Variants in CDH23 observed in about 807,000 individuals in gnomAD.
CDH23 encodes the protein cadherin related 23.
In CDH23, 189 loss-of-function variants were observed where a neutral mutation model predicts 317.1. That is an observed-to-expected ratio of 0.60 (90% CI 0.53 to 0.67). CDH23 has a LOEUF of 0.67. Among genes scored for constraint, CDH23 ranks in the 30% least tolerant of loss-of-function variants. The probability of loss-of-function intolerance (pLI) is 0.00; values close to 1 mark genes in which losing one functional copy is unlikely to be tolerated. For missense variants in CDH23, 4,401 were observed against 4,592.4 expected (o/e 0.96, Z 1.20); for synonymous variants, 1,839 against 1,876.8 (o/e 0.98, Z 0.52).
intron 14 of CDH23, among the ~76,000 whole-genome samples, chr10:71,661,407 T>C (rs889251125): frequency 2.6e-5 from 4 of 152,178 alleles, no homozygotes; most frequent in Non-Finnish European, 5.9e-5. Context: ...TTTGACTCAC[T>C]GAATGACCCT....
At chr10:71,638,096 G>A (rs1862362432) in intron 11 of CDH23, among the ~76,000 whole-genome samples, 1 of 152,100 alleles carries the variant, frequency 6.6e-6, no homozygotes, top group Admixed American at 6.5e-5. Context: ...CAAAACACGG[G>A]GGAGCAGAGA....
intron 8 of CDH23, among the ~76,000 whole-genome samples, chr10:71,577,404 C>T (rs1858288228): frequency 1.3e-5 from 2 of 152,162 alleles, no homozygotes; most frequent in African/African-American, 4.8e-5. Flanking sequence ...CCCCGAGATA[C>T]CTGCTTTCAT....
At position 71,741,914 on chromosome 10, in the gene CDH23, C is replaced by T. The variant is rs1839746243; in HGVS notation, c.4838C>T (p.Thr1613Ile). 1 of 1,597,130 alleles carries T rather than the reference C, an allele frequency of 6.3e-7. No homozygotes were observed. The highest frequency in any genetic ancestry group is 1.1e-5 in the South Asian group (1 of 88,632). Residue 1613 changes from threonine to isoleucine, a missense_variant, in exon 38 of 70, where the codon ACC becomes ATC. This residue lies in a region of CDH23 where 3,068 missense variants were observed against 3,203.3 expected (regional missense o/e 0.96). Coordinates refer to ENST00000224721, the MANE Select transcript of CDH23 (RefSeq NM_022124.6). ...VATVEDEGTP[T>I]LSATTHVYVT... ...ACTGTGGAGGACGAGGGCACCCCAA[C>T]CCTGTCGGTGAGCGATGGGGGTGGC...
chr10:71,441,695 C>G (rs1849888034), intron 2 of CDH23, among the ~76,000 whole-genome samples: 1 of 151,284 alleles, frequency 6.6e-6, no homozygotes, highest in East Asian at 1.9e-4. Context: ...GAATTCCAGC[C>G]TGGGTGAAAG....
intron 23 of CDH23, 48 bp downstream of exon 23, chr10:71,702,259 G>C: frequency 1.3e-6 from 2 of 1,581,282 alleles, no homozygotes; most frequent in Non-Finnish European, 1.7e-6. Context: ...TAGGCTGCGG[G>C]TGTCCCTGGT....
Position 71,581,388 on chromosome 10 carries a change from A to G in CDH23, c.832+3396A>G, listed in dbSNP as rs117388708. 9.8e-4 allele frequency among the ~76,000 whole-genome samples: 149 copies of G among 152,312 alleles called. 4 individuals carry two copies. In the East Asian group the frequency reaches 0.027, roughly 28 times the overall value. ...CTGGGCTGGTGGTGGCTCTGTCTGC[A>G]GTGGGTGAGGTCTGTCTGCCCCACG... is the stretch of plus-strand genomic sequence containing the variant. On this transcript the variant is annotated intron_variant, in intron 9 of 69. Coordinates refer to ENST00000224721, the MANE Select transcript of CDH23 (RefSeq NM_022124.6).
rs562099507 is a variant in CDH23 at position 71,559,389 on chromosome 10, G to T, written c.430-7353G>T. ...GATTCTTTTAAAACATTTATTGAAT[G>T]CCTTCTATGCACAAGTGACAGTGCC... is the stretch of plus-strand genomic sequence containing the variant. On this transcript the variant is annotated intron_variant, in intron 6 of 69. Transcript: ENST00000224721. 2.2e-4 allele frequency among the ~76,000 whole-genome samples: 34 copies of T among 152,318 alleles called. 1 individual carries two copies. In the South Asian group the frequency reaches 6.6e-3, roughly 30 times the overall value.
At chr10:71,702,735 G>A (rs762184275) in intron 24 of CDH23, 41 bp downstream of exon 24, 5 of 1,611,706 alleles carry the variant, frequency 3.1e-6, no homozygotes, top group Non-Finnish European at 4.2e-6. Context: ...CCAGAGGTGG[G>A]CAGTGGGTGC....
chr10:71,782,726 G>T (rs931403677), intron 41 of CDH23, among the ~76,000 whole-genome samples: 1 of 152,248 alleles, frequency 6.6e-6, no homozygotes, highest in African/African-American at 2.4e-5. Context: ...TATGGCCGGG[G>T]CTTGAGACAG....
chr10:71,796,946 T>C lies in CDH23; in HGVS notation c.6713-158T>C, dbSNP rs902984990. On this transcript the variant is annotated intron_variant, in intron 48 of 69. Transcript: ENST00000224721. ...GGCAGAGCCACGTGACCCAAGCTTATGAGGAGGCTGTGGGCCCACCCCAGC... is the reference window on the plus strand; with the variant it reads ...GGCAGAGCCACGTGACCCAAGCTTACGAGGAGGCTGTGGGCCCACCCCAGC... 4 of 586,998 alleles carry C rather than the reference T, an allele frequency of 6.8e-6. No homozygotes were observed. In the African/African-American group the frequency reaches 7.4e-5, roughly 11 times the overall value. The allele number at this position is 586,998 out of a possible 1,614,324, so 36.4% of individuals were successfully genotyped here.
chr10:71,423,309 C>A (rs1300746884), intron 1 of CDH23, among the ~76,000 whole-genome samples: 7 of 152,166 alleles, frequency 4.6e-5, no homozygotes, highest in African/African-American at 7.2e-5. Context: ...GATGGCCAAG[C>A]CCTGTTGAAG....
At chr10:71,670,267 GC>G (rs981457833) in intron 14 of CDH23, among the ~76,000 whole-genome samples, 2 of 152,206 alleles carry the variant, frequency 1.3e-5, no homozygotes, top group African/African-American at 4.8e-5. Flanking sequence ...TGGGGTATCA[GC>G]CCCACAGAAG....
intron 6 of CDH23, among the ~76,000 whole-genome samples, chr10:71,543,718 G>A (rs1040043353): frequency 6.6e-6 from 1 of 152,230 alleles, no homozygotes; most frequent in Non-Finnish European, 1.5e-5. Flanking sequence ...TTACCTTCAG[G>A]CTCTATAGAG....
intron 3 of CDH23, among the ~76,000 whole-genome samples, chr10:71,464,632 A>C (rs1851160731): frequency 7.2e-6 from 1 of 139,006 alleles, no homozygotes; most frequent in Admixed American, 7.1e-5. Context: ...TCAGTTCCCA[A>C]TGATGCCAAT....
intron 9 of CDH23, among the ~76,000 whole-genome samples, chr10:71,611,760 G>C (rs1409938617): frequency 2.0e-5 from 3 of 152,120 alleles, no homozygotes; most frequent in Non-Finnish European, 4.4e-5. Context: ...TTCTTCAGGG[G>C]CCTTAGCTCA....
Position 71,643,844 on chromosome 10 carries a change from C to T in CDH23, c.1135-17C>T. 1 of 766,192 alleles carries T rather than the reference C, an allele frequency of 1.3e-6. No individual in the cohort carries two copies. Among genetic ancestry groups the T allele is most frequent in the Non-Finnish European group, 2.4e-6 (1 of 417,766 alleles). The allele number at this position is 766,192 out of a possible 1,614,324, so 47.5% of individuals were successfully genotyped here. A position where few individuals can be genotyped will look rare whatever the true frequency, so the allele number is the denominator to read the frequency against. On this transcript the variant is annotated splice_polypyrimidine_tract_variant and intron_variant, in intron 11 of 69. Coordinates refer to ENST00000224721, the MANE Select transcript of CDH23 (RefSeq NM_022124.6). ...GTCTGTCTCCATATCCTTTGACTGA[C>T]CGACTCCCATTGACAGAATTTGGTA...
intron 6 of CDH23, among the ~76,000 whole-genome samples, chr10:71,518,056 G>A (rs1016644823): frequency 1.3e-5 from 2 of 149,886 alleles, no homozygotes; most frequent in Non-Finnish European, 2.9e-5. Context: ...ACAGTCCTGA[G>A]GGTTGTGTGT....
intron 18 of CDH23, among the ~76,000 whole-genome samples, chr10:71,686,572 G>A (rs55916316): frequency 0.028 from 4,310 of 152,224 alleles, 214 homozygotes; most frequent in African/African-American, 0.099. Context: ...CCAGCAAAGG[G>A]GGCTTCATAC....
At position 71,615,535 on chromosome 10, in the gene CDH23, C is replaced by T. The variant is rs1861133497; in HGVS notation, c.864C>T (p.Tyr288=). Residue 288 remains tyrosine (Y), a synonymous_variant, in exon 10 of 70, where the codon TAC becomes TAT. Coordinates refer to ENST00000224721, the MANE Select transcript of CDH23 (RefSeq NM_022124.6). The part of the protein sequence containing the change: ...GNTNSIFALD[Y]ISGVLTLNGL... ...CCAACAGCATCTTTGCCCTGGACTA[C>T]ATCAGCGGAGTGCTGACCTTGAATG... 1 of 1,613,760 alleles carries T rather than the reference C, an allele frequency of 6.2e-7. No individual in the cohort carries two copies. The highest frequency in any genetic ancestry group is 1.3e-5 in the African/African-American group (1 of 74,978).
Sources: gnomAD v4.1 joint callset for allele counts (sites outside exome capture counted in the v4.1 genomes callset) on GRCh38, gnomAD v4.1.1 for gene constraint, gnomAD v4.1.1 regional missense constraint, MANE v1.5 for transcripts, NCBI Gene and HGNC (gene_info 2026-07-23, HGNC 2026-07-21) for gene names.